EXTL2: variants seen among roughly 807,000 people sequenced by gnomAD.
EXTL2 encodes exostosin like glycosyltransferase 2.
In EXTL2, 23 loss-of-function variants were observed where a neutral mutation model predicts 30.7. The ratio of observed to expected loss-of-function variants is 0.75; its 90% CI spans 0.54 to 1.06. The LOEUF (loss-of-function observed/expected upper bound fraction) is 1.06. EXTL2 is among the 50% of genes least tolerant of loss of function. EXTL2 has a pLI of 0.00. For synonymous variants in EXTL2, 123 were observed against 133.8 expected (o/e 0.92, Z 0.56); for missense variants, 352 against 396.3 (o/e 0.89, Z 0.95).
rs146797091 is a variant in EXTL2 at position 100,890,591 on chromosome 1, C to G, written c.-71-1763G>C. On this transcript the variant is annotated intron_variant, in intron 1 of 4. Coordinates refer to ENST00000370114, the MANE Select transcript of EXTL2 (RefSeq NM_001033025.3). ...CACAAGTTCCAAATTCAGATCATCT[C>G]TCTCAGGTTCAAAGTTCCACAGATC... is the stretch of plus-strand genomic sequence containing the variant. 7.0e-3 allele frequency among the ~76,000 whole-genome samples: 1,065 copies of G among 152,294 alleles called. 20 individuals are homozygous for G. The highest frequency in any genetic ancestry group is 0.025 in the African/African-American group (1,018 of 41,542).
chr1:100,876,752 G>A (rs1437062155), intron 4 of EXTL2, 42 bp downstream of exon 4: 2 of 1,427,598 alleles, frequency 1.4e-6, no homozygotes, highest in South Asian at 1.1e-5. Flanking sequence ...TACTAGTCAA[G>A]ATCTTATAAA....
At chr1:100,891,841 A>C (rs1355676783) in intron 1 of EXTL2, among the ~76,000 whole-genome samples, 1 of 152,192 alleles carries the variant, frequency 6.6e-6, no homozygotes, top group Non-Finnish European at 1.5e-5. Flanking sequence ...ACAACAGTTT[A>C]GCTTTTGGGA....
At chr1:100,884,965 T>G (rs1649848183) in intron 2 of EXTL2, among the ~76,000 whole-genome samples, 1 of 152,238 alleles carries the variant, frequency 6.6e-6, no homozygotes, top group Admixed American at 6.5e-5. Context: ...ATGTCTAAAT[T>G]GTCCTAAATG....
intron 2 of EXTL2, chr1:100,880,815 C>G (rs1262574717): frequency 7.7e-6 from 2 of 258,562 alleles, no homozygotes; most frequent in African/African-American, 4.6e-5. Flanking sequence ...AGGAATAGCA[C>G]ATTTTAAAAC....
chr1:100,884,738 A>G (rs1303597032), intron 2 of EXTL2, among the ~76,000 whole-genome samples: 1 of 151,914 alleles, frequency 6.6e-6, no homozygotes, highest in Non-Finnish European at 1.5e-5. Flanking sequence ...TGTTTCCCTC[A>G]CCACTCTCCA....
At chr1:100,881,330 C>T (rs547320432) in intron 2 of EXTL2, among the ~76,000 whole-genome samples, 1 of 152,188 alleles carries the variant, frequency 6.6e-6, no homozygotes, top group East Asian at 1.9e-4. Flanking sequence ...AGAAGGATTT[C>T]ACAGTTTTTG....
chr1:100,889,133 T>C (rs1291087404), intron 1 of EXTL2, among the ~76,000 whole-genome samples: 2 of 152,214 alleles, frequency 1.3e-5, no homozygotes, highest in Non-Finnish European at 2.9e-5. Flanking sequence ...GAAAGAGGTT[T>C]AATTGACTCA....
chr1:100,881,559 T>A (rs2100936870), intron 2 of EXTL2, among the ~76,000 whole-genome samples: 1 of 152,328 alleles, frequency 6.6e-6, no homozygotes, highest in Middle Eastern at 3.4e-3. Flanking sequence ...TCTTTATATA[T>A]TTGCTGACAC....
At chr1:100,883,166 G>T (rs1649699915) in intron 2 of EXTL2, among the ~76,000 whole-genome samples, 1 of 152,150 alleles carries the variant, frequency 6.6e-6, no homozygotes, top group Non-Finnish European at 1.5e-5. Flanking sequence ...TCACTAACCT[G>T]CAAGATAATA....
chr1:100,885,068 C>A (rs1649854518), intron 2 of EXTL2, among the ~76,000 whole-genome samples: 1 of 152,160 alleles, frequency 6.6e-6, no homozygotes. Context: ...CAACTGTTCC[C>A]TACATAGAAG....
intron 1 of EXTL2, among the ~76,000 whole-genome samples, chr1:100,889,086 C>G (rs769936464): frequency 2.0e-5 from 3 of 152,246 alleles, no homozygotes; most frequent in Non-Finnish European, 4.4e-5. Context: ...TTTCACACTG[C>G]TATAAAGAAA....
rs148002709 is a variant in EXTL2 at position 100,877,828 on chromosome 1, G to A, written c.81C>T (p.Leu27=). Residue 27 remains leucine (L), a synonymous_variant, in exon 3 of 5, where the codon CTC becomes CTT. Coordinates refer to ENST00000370114, the MANE Select transcript of EXTL2 (RefSeq NM_001033025.3). This position sits in a 1 kb window ranked among gnomAD's most constrained non-coding sequence, Gnocchi z 4.1. Reference sequence around the variant, plus strand: ...AAGCACCAGCTACCAGTAATAATACGAGGATGACCACCAAAGATAATCGAA... The same window carrying A: ...AAGCACCAGCTACCAGTAATAATACAAGGATGACCACCAAAGATAATCGAA... ...RVLRLSLVVI[L]VLLLVAGALT... 14 of 1,603,398 alleles carry A rather than the reference G, an allele frequency of 8.7e-6. No homozygotes were observed. The African/African-American group carries it at 1.6e-4, about 18-fold the overall frequency.
chr1:100,893,024 T>A (rs1247888256), intron 1 of EXTL2, among the ~76,000 whole-genome samples: 1 of 152,196 alleles, frequency 6.6e-6, no homozygotes. Flanking sequence ...CTGCTTTCAT[T>A]TCTCAGAATC....
rs189489183 is a variant in EXTL2 at position 100,872,391 on chromosome 1, T to C, written c.*1551A>G. 12 of 152,578 alleles carry C rather than the reference T, an allele frequency of 7.9e-5. No homozygotes were observed. The East Asian group carries it at 1.7e-3, about 22-fold the overall frequency. 9.5% of individuals were successfully genotyped at this position (152,578 alleles called of 1,614,324 possible). ...GCTTAGTTAACACAGAACACATGGA[T>C]GGCAAAAGTTTCTTTTATTTATCTG... On this transcript the variant is annotated 3_prime_UTR_variant, in exon 5 of 5. Transcript: ENST00000370114.
intron 2 of EXTL2, among the ~76,000 whole-genome samples, chr1:100,881,808 T>C (rs1007920924): frequency 2.0e-5 from 3 of 152,222 alleles, no homozygotes; most frequent in African/African-American, 7.2e-5. Flanking sequence ...GTTATTTTGA[T>C]ACATTGTTAC....
At chr1:100,878,136 C>T (rs1038800290) in intron 2 of EXTL2, among the ~76,000 whole-genome samples, 5 of 152,062 alleles carry the variant, frequency 3.3e-5, no homozygotes, top group African/African-American at 9.7e-5. Flanking sequence ...ATGTTATACA[C>T]ACAAAATTGG....
In EXTL2 at chr1:100,877,464, A is replaced by C; in HGVS notation, c.433+12T>G. Reference sequence around the variant, plus strand: ...GCAGCCTTTCCAGGCTGAGAACTACACTGCAACTCACCATTGGTTTCCAGT... The same window carrying C: ...GCAGCCTTTCCAGGCTGAGAACTACCCTGCAACTCACCATTGGTTTCCAGT... On this transcript the variant is annotated intron_variant, in intron 3 of 4. Coordinates refer to ENST00000370114, the MANE Select transcript of EXTL2 (RefSeq NM_001033025.3). The surrounding 1 kb of genome is among the most constrained non-coding windows in gnomAD (Gnocchi z 4.1). 3 of 1,570,682 alleles carry C rather than the reference A, an allele frequency of 1.9e-6. No homozygotes were observed. Among genetic ancestry groups the C allele is most frequent in the Non-Finnish European group, 2.6e-6 (3 of 1,159,288 alleles).
intron 2 of EXTL2, among the ~76,000 whole-genome samples, chr1:100,886,106 G>A (rs940141281): frequency 5.3e-5 from 8 of 152,084 alleles, no homozygotes; most frequent in Non-Finnish European, 1.0e-4. Flanking sequence ...ACTGTGTTAC[G>A]GACTAGTTAT....
In EXTL2 at chr1:100,877,437, C is replaced by A; in HGVS notation, c.433+39G>T. 1 of 1,502,974 alleles carries A rather than the reference C, an allele frequency of 6.7e-7. No individual in the cohort carries two copies. The highest frequency in any genetic ancestry group is 1.3e-5 in the South Asian group (1 of 75,482). 93.1% of individuals were successfully genotyped at this position (1,502,974 alleles called of 1,614,324 possible). On this transcript the variant is annotated intron_variant, in intron 3 of 4. Transcript: ENST00000370114. This position sits in a 1 kb window ranked among gnomAD's most constrained non-coding sequence, Gnocchi z 4.1. ...ACATGTCTGTCCCAGCTCTGGACAG[C>A]GGCAGCCTTTCCAGGCTGAGAACTA...
Sources: gnomAD v4.1 joint callset for allele counts (sites outside exome capture counted in the v4.1 genomes callset) on GRCh38, gnomAD v4.1.1 for gene constraint, Gnocchi (gnomAD v3.1) non-coding constraint, MANE v1.5 for transcripts, NCBI Gene and HGNC (gene_info 2026-07-23, HGNC 2026-07-21) for gene names.